Variants in PTPRT observed in about 807,000 individuals in gnomAD.
The protein encoded by PTPRT is receptor-type tyrosine-protein phosphatase T.
A neutral mutation model predicts 176.8 loss-of-function variants in PTPRT; 56 were observed. The observed-to-expected ratio is 0.32, with a 90% CI of 0.26 to 0.40. The LOEUF is 0.40. Ranked by LOEUF, PTPRT falls within the 10% of genes least tolerant of loss-of-function variation. The pLI, the probability that PTPRT is intolerant of heterozygous loss-of-function variation, is 1.00. For missense variants in PTPRT, 1,540 were observed against 1,908.2 expected (o/e 0.81, Z 3.60); for synonymous variants, 783 against 739.0 (o/e 1.06, Z -0.96).
intron 12 of PTPRT, among the ~76,000 whole-genome samples, chr20:42,300,756 G>GTATTATTATTAT (rs533576322): frequency 0.012 from 1,717 of 148,002 alleles, 35 homozygotes; most frequent in African/African-American, 0.04. Context: ...CTTTTTATTT[G>GTATTATTATTAT]TATTATTATT....
intron 8 of PTPRT, among the ~76,000 whole-genome samples, chr20:42,466,089 T>C (rs754655851): frequency 1.3e-5 from 2 of 152,222 alleles, no homozygotes; most frequent in Non-Finnish European, 2.9e-5. Context: ...TCCATGTTCC[T>C]GCAAAGGACA....
rs1555871976 is a variant in PTPRT, at chr20:42,508,127, T to TGTGTGTGTG, written c.1154-35566_1154-35565insCACACACAC. ...TTAATAAAATCAGTAATTACCCTTT[T>TGTGTGTGTG]TGTGTGTGTGTGTGTGTGTGTGTAT... On this transcript the variant is annotated intron_variant, in intron 7 of 30. Transcript: ENST00000373187. Among the ~76,000 whole-genome samples, 887 of 146,684 alleles carry TGTGTGTGTG rather than the reference T, an allele frequency of 6.0e-3. 18 individuals are homozygous for TGTGTGTGTG. Among genetic ancestry groups the TGTGTGTGTG allele is most frequent in the African/African-American group, 0.022 (848 of 38,596 alleles).
At chr20:42,847,724 C>G (rs938002062) in intron 2 of PTPRT, among the ~76,000 whole-genome samples, 1 of 152,206 alleles carries the variant, frequency 6.6e-6, no homozygotes, top group Non-Finnish European at 1.5e-5. Context: ...ACAGGTGACA[C>G]TCCCAGGACT....
intron 1 of PTPRT, among the ~76,000 whole-genome samples, chr20:43,165,244 C>A (rs1230234628): frequency 6.6e-6 from 1 of 151,842 alleles, no homozygotes; most frequent in Admixed American, 6.6e-5. Flanking sequence ...CTGCAACCTC[C>A]ACCTCCTGGG....
intron 23 of PTPRT, among the ~76,000 whole-genome samples, chr20:42,108,435 ATGAT>A (rs1341098431): frequency 3.3e-5 from 5 of 152,110 alleles, no homozygotes; most frequent in Non-Finnish European, 7.4e-5. Context: ...CATCTATAAA[ATGAT>A]GTTGATAATA....
At chr20:42,784,873 C>G (rs376156839) in intron 3 of PTPRT, among the ~76,000 whole-genome samples, 3 of 152,026 alleles carry the variant, frequency 2.0e-5, no homozygotes, top group Admixed American at 6.5e-5. Context: ...AATATGAAAT[C>G]AAATTAACAT....
intron 15 of PTPRT, among the ~76,000 whole-genome samples, chr20:42,222,208 C>T (rs1236446505): frequency 6.6e-6 from 1 of 152,168 alleles, no homozygotes; most frequent in Non-Finnish European, 1.5e-5. Context: ...CATCTTTGTT[C>T]CACGGGTTTC....
chr20:42,855,325 C>A (rs2078542087), intron 2 of PTPRT, among the ~76,000 whole-genome samples: 1 of 150,522 alleles, frequency 6.6e-6, no homozygotes, highest in South Asian at 2.1e-4. Flanking sequence ...AAATGAACAA[C>A]AAAAATATTA....
chr20:43,016,437 C>T (rs1985375037), intron 1 of PTPRT, among the ~76,000 whole-genome samples: 1 of 151,892 alleles, frequency 6.6e-6, no homozygotes, highest in Non-Finnish European at 1.5e-5. Flanking sequence ...CTCCCCTTTC[C>T]TTTCCCTGCC....
intron 1 of PTPRT, among the ~76,000 whole-genome samples, chr20:42,948,918 G>A (rs771672229): frequency 6.6e-6 from 1 of 152,128 alleles, no homozygotes; most frequent in Non-Finnish European, 1.5e-5. Context: ...TCTGCCAAAT[G>A]GACAGGCTGC....
intron 1 of PTPRT, among the ~76,000 whole-genome samples, chr20:43,137,646 C>A (rs1437892904): frequency 6.6e-6 from 1 of 152,178 alleles, no homozygotes; most frequent in Non-Finnish European, 1.5e-5. Context: ...GGGGCGGCAC[C>A]AACCATTTCC....
In PTPRT at chr20:43,000,398, GA is replaced by G. The variant is rs535101503; in HGVS notation, c.89-114467del. On this transcript the variant is annotated intron_variant, in intron 1 of 30. Transcript: ENST00000373187. Reference sequence around the variant, plus strand: ...GAGAATCATGCAGCACATCTGGGGTGAAAAAAAAAGAGAAGTAAATAGATTT... The same window carrying G: ...GAGAATCATGCAGCACATCTGGGGTGAAAAAAAAGAGAAGTAAATAGATTT... 2.3e-3 allele frequency among the ~76,000 whole-genome samples: 340 copies of G among 149,620 alleles called. 1 individual carries two copies. The highest frequency in any genetic ancestry group is 3.6e-3 in the Non-Finnish European group (244 of 67,298).
At chr20:42,379,356 G>T (rs1031669914) in intron 9 of PTPRT, among the ~76,000 whole-genome samples, 18 of 152,240 alleles carry the variant, frequency 1.2e-4, no homozygotes, top group African/African-American at 4.3e-4. Context: ...TGCAGCAATA[G>T]AGAAATCCCA....
At chr20:43,104,035 T>C (rs984970407) in intron 1 of PTPRT, among the ~76,000 whole-genome samples, 2 of 152,214 alleles carry the variant, frequency 1.3e-5, no homozygotes, top group Admixed American at 6.5e-5. Context: ...AGCACTTTCA[T>C]AAATTCCAGA....
chr20:43,061,045 TG>T (rs1987435898), intron 1 of PTPRT, among the ~76,000 whole-genome samples: 1 of 151,648 alleles, frequency 6.6e-6, no homozygotes, highest in Non-Finnish European at 1.5e-5. Flanking sequence ...TGTAGGTAGG[TG>T]GGTAAGTAGG....
At position 42,724,543 on chromosome 20, in the gene PTPRT, T is replaced by C. The variant is rs563482266; in HGVS notation, c.859+31919A>G. On this transcript the variant is annotated intron_variant, in intron 6 of 30. Coordinates refer to ENST00000373187, the MANE Select transcript of PTPRT (RefSeq NM_007050.6). ...TTCTACCACTCCCTCCCCTGCCCCT[T>C]GAGACCTGGGAAGTAACAGCTCCCT... Among the ~76,000 whole-genome samples, 720 of 152,358 alleles carry C rather than the reference T, an allele frequency of 4.7e-3. 1 individual carries two copies. The highest frequency in any genetic ancestry group is 7.0e-3 in the Non-Finnish European group (478 of 68,030).
intron 1 of PTPRT, among the ~76,000 whole-genome samples, chr20:43,128,940 T>C (rs554739505): frequency 4.5e-4 from 68 of 152,338 alleles, no homozygotes; most frequent in South Asian, 1.0e-3. Flanking sequence ...TTCGTACATA[T>C]AAAGTTATAC....
At chr20:42,343,735 C>T (rs1445646215) in intron 11 of PTPRT, among the ~76,000 whole-genome samples, 1 of 152,110 alleles carries the variant, frequency 6.6e-6, no homozygotes, top group Non-Finnish European at 1.5e-5. Flanking sequence ...CTGATGTGCC[C>T]TACACTGGCC....
intron 21 of PTPRT, among the ~76,000 whole-genome samples, chr20:42,116,437 C>T (rs1987287353): frequency 6.6e-6 from 1 of 152,154 alleles, no homozygotes; most frequent in Non-Finnish European, 1.5e-5. Flanking sequence ...TCCTAACACT[C>T]AGTATCTGGG....
Sources: allele counts gnomAD v4.1 joint callset (sites outside exome capture counted in the v4.1 genomes callset), GRCh38; gene constraint gnomAD v4.1.1; transcripts MANE v1.5; gene names NCBI Gene and HGNC (gene_info 2026-07-23, HGNC 2026-07-21).